Variants in GPHN observed in about 807,000 individuals in gnomAD.
The protein encoded by GPHN is gephyrin.
A neutral mutation model predicts 95.5 loss-of-function variants in GPHN; 17 were observed. The ratio of observed to expected loss-of-function variants is 0.18; its 90% CI spans 0.12 to 0.27. GPHN has a LOEUF of 0.27. GPHN is among the 10% of genes least tolerant of loss of function. The probability of loss-of-function intolerance (pLI) is 1.00; values close to 1 mark genes in which losing one functional copy is unlikely to be tolerated. For synonymous variants in GPHN, 320 were observed against 322.5 expected (o/e 0.99, Z 0.08); for missense variants, 660 against 978.1 (o/e 0.67, Z 4.34).
chr14:67,362,707 C>T, the GPHN span, among the ~76,000 whole-genome samples: 1 of 151,964 alleles, frequency 6.6e-6, no homozygotes, highest in Non-Finnish European at 1.5e-5. Flanking sequence ...GAGGTGAAGT[C>T]ACCTAGTGTG....
chr14:66,593,846 A>G (rs1211050446), intron 1 of GPHN, among the ~76,000 whole-genome samples: 1 of 152,208 alleles, frequency 6.6e-6, no homozygotes, highest in Non-Finnish European at 1.5e-5. Flanking sequence ...TCAAAGAAAT[A>G]AAAAGGATTC....
chr14:66,540,878 A>G lies in GPHN; in HGVS notation c.64+32287A>G, dbSNP rs571188540. Among the ~76,000 whole-genome samples the G allele has an allele frequency of 1.3e-3, 197 of 152,132 alleles. 1 individual carries two copies. The highest frequency in any genetic ancestry group is 2.2e-3 in the Non-Finnish European group (148 of 67,994). On this transcript the variant is annotated intron_variant, in intron 1 of 22. Coordinates refer to ENST00000478722, the MANE Select transcript of GPHN (RefSeq NM_020806.5). ...AGCCTCCACTTCCTGGGTTCAAGTG[A>G]TCCTCACGCCTCAACCTCCTGAGTA...
intron 1 of GPHN, among the ~76,000 whole-genome samples, chr14:66,590,208 C>T (rs530038969): frequency 6.5e-4 from 99 of 152,202 alleles, no homozygotes; most frequent in South Asian, 4.8e-3. Context: ...ACTAAATGCC[C>T]ACAGGAGAAA....
At chr14:66,545,746 C>CA (rs2059556943) in intron 1 of GPHN, among the ~76,000 whole-genome samples, 3 of 144,990 alleles carry the variant, frequency 2.1e-5, no homozygotes, top group Admixed American at 6.8e-5. Context: ...CTGACCCCCC[C>CA]ACCTCCCTCC....
chr14:67,047,064 C>G (rs2075054274), intron 10 of GPHN, among the ~76,000 whole-genome samples: 2 of 152,126 alleles, frequency 1.3e-5, no homozygotes, highest in African/African-American at 4.8e-5. Flanking sequence ...GGAATTGAAG[C>G]TGCAAATACC....
the GPHN span, among the ~76,000 whole-genome samples, chr14:67,276,103 G>A: frequency 6.6e-6 from 1 of 151,978 alleles, no homozygotes; most frequent in Non-Finnish European, 1.5e-5. Context: ...AGGGTTTTTT[G>A]TGTCTCTATC....
chr14:67,277,730 A>G, the GPHN span, among the ~76,000 whole-genome samples: 1 of 152,202 alleles, frequency 6.6e-6, no homozygotes, highest in Non-Finnish European at 1.5e-5. Flanking sequence ...TTTCTAAAAT[A>G]TGTTGAAAGA....
intron 10 of GPHN, among the ~76,000 whole-genome samples, chr14:67,042,424 T>C (rs1239119770): frequency 6.6e-6 from 1 of 152,186 alleles, no homozygotes; most frequent in African/African-American, 2.4e-5. Context: ...AAGGAAGGTG[T>C]CCAGTTTCAG....
At chr14:67,039,242 T>C (rs1396940436) in intron 10 of GPHN, among the ~76,000 whole-genome samples, 1 of 152,198 alleles carries the variant, frequency 6.6e-6, no homozygotes, top group Admixed American at 6.6e-5. Flanking sequence ...TTCAGATCTT[T>C]GTAATTTTGT....
intron 3 of GPHN, among the ~76,000 whole-genome samples, chr14:66,791,538 A>G (rs1032563250): frequency 2.6e-5 from 4 of 152,238 alleles, no homozygotes; most frequent in African/African-American, 9.6e-5. Context: ...AGGGGAGGCA[A>G]TTCCTGGAAC....
chr14:66,572,055 C>G (rs752175100), intron 1 of GPHN, among the ~76,000 whole-genome samples: 3 of 152,162 alleles, frequency 2.0e-5, no homozygotes, highest in Non-Finnish European at 2.9e-5. Flanking sequence ...GCATTCTTGA[C>G]ATCTTTGTCA....
chr14:67,558,522 A>G, the GPHN span, among the ~76,000 whole-genome samples: 1 of 152,218 alleles, frequency 6.6e-6, no homozygotes, highest in Non-Finnish European at 1.5e-5. Flanking sequence ...TGAGTAGCTC[A>G]TAGTTAGAAG....
At chr14:67,296,382 C>T in the GPHN span, among the ~76,000 whole-genome samples, 6 of 151,774 alleles carry the variant, frequency 4.0e-5, no homozygotes, top group Non-Finnish European at 5.9e-5. Context: ...GGGCAGATCA[C>T]GAGGTCAGGA....
chr14:67,038,121 C>A (rs960985624), intron 10 of GPHN, among the ~76,000 whole-genome samples: 3 of 151,888 alleles, frequency 2.0e-5, no homozygotes, highest in Non-Finnish European at 4.4e-5. Flanking sequence ...ATTATTGAGC[C>A]TCCAAAAAAT....
At chr14:67,302,122 A>G in the GPHN span, 1 of 1,598,070 alleles carries the variant, frequency 6.3e-7, no homozygotes, top group Non-Finnish European at 8.5e-7. Flanking sequence ...TCCGTTGGTA[A>G]GTGTCCCACA....
the GPHN span, among the ~76,000 whole-genome samples, chr14:67,720,635 G>A: frequency 3.3e-5 from 5 of 152,076 alleles, no homozygotes; most frequent in Non-Finnish European, 7.4e-5. Context: ...ATGTGTATTT[G>A]GGTCTATTTC....
At chr14:67,317,681 G>T in the GPHN span, among the ~76,000 whole-genome samples, 1 of 152,152 alleles carries the variant, frequency 6.6e-6, no homozygotes, top group Non-Finnish European at 1.5e-5. Flanking sequence ...AGCATATGTA[G>T]TATTAAATTG....
At chr14:67,360,028 C>G in the GPHN span, 2 of 509,778 alleles carry the variant, frequency 3.9e-6, no homozygotes, top group Non-Finnish European at 6.9e-6. Context: ...AGGCCAAAGA[C>G]TAGGAGCGAA....
chr14:67,211,422 C>T, the GPHN span, among the ~76,000 whole-genome samples: 1 of 151,968 alleles, frequency 6.6e-6, no homozygotes, highest in Admixed American at 6.6e-5. Flanking sequence ...TAAACTGAAC[C>T]TAGAGGAGAA....
Sources: allele counts gnomAD v4.1 joint callset (sites outside exome capture counted in the v4.1 genomes callset), GRCh38; gene constraint gnomAD v4.1.1; transcripts MANE v1.5; gene names NCBI Gene and HGNC (gene_info 2026-07-23, HGNC 2026-07-21).